CPNE4: variants seen among roughly 807,000 people sequenced by gnomAD.
CPNE4 encodes the protein copine-4.
In CPNE4, 25 loss-of-function variants were observed where a neutral mutation model predicts 67.9. That is an observed-to-expected ratio of 0.37 (90% CI 0.27 to 0.51). The LOEUF is 0.51. Among genes scored for constraint, CPNE4 ranks in the 20% least tolerant of loss-of-function variants. CPNE4 has a pLI of 0.93. For missense variants in CPNE4, 464 were observed against 690.8 expected, an observed-to-expected ratio of 0.67 and a Z score of 3.68; for synonymous variants, 242 against 244.9, an observed-to-expected ratio of 0.99 and a Z score of 0.11.
intron 2 of CPNE4, 99 bp from the exon 3 acceptor site, chr3:131,723,724 T>C: frequency 1.8e-6 from 2 of 1,086,520 alleles, no homozygotes; most frequent in Non-Finnish European, 2.7e-6. Flanking sequence ...TTCCCAACCA[T>C]AAATGCTCCC....
chr3:131,768,759 C>T (rs1191653381), intron 2 of CPNE4, among the ~76,000 whole-genome samples: 1 of 152,082 alleles, frequency 6.6e-6, no homozygotes, highest in African/African-American at 2.4e-5. Context: ...ACTTCCCTGC[C>T]ATGCAACCAG....
At position 131,905,334 on chromosome 3, in the gene CPNE4, T is replaced by A. The variant is rs1215505472; in HGVS notation, c.110A>T (p.Asp37Val). 1 of 1,613,612 alleles carries A rather than the reference T, an allele frequency of 6.2e-7. No individual in the cohort carries two copies. Among genetic ancestry groups the A allele is most frequent in the Admixed American group, 1.7e-5 (1 of 59,946 alleles). ...ELRVACKGIS[D>V]RDALSKPDPC... ...GTCTGGTTTGGAAAGGGCATCTCTG[T>A]CAGAAATGCCTTTGCACGCCACACG... The change falls in exon 2 of 16, where the codon GAC becomes GTC. Residue 37 changes from aspartate (D) to valine (V), a missense_variant. Transcript: ENST00000429747.
intron 15 of CPNE4, among the ~76,000 whole-genome samples, chr3:131,541,408 C>T (rs1283990238): frequency 6.6e-6 from 1 of 152,118 alleles, no homozygotes; most frequent in Non-Finnish European, 1.5e-5. Flanking sequence ...CATACTAGAG[C>T]ATTGTCTAAT....
intron 3 of CPNE4, among the ~76,000 whole-genome samples, chr3:131,710,427 G>C (rs189015569): frequency 1.8e-4 from 28 of 152,218 alleles, no homozygotes; most frequent in Admixed American, 5.2e-4. Flanking sequence ...TTGTGAGGAA[G>C]GATACTTTTA....
intron 2 of CPNE4, among the ~76,000 whole-genome samples, chr3:131,879,597 T>A (rs9843606): frequency 2.0e-5 from 3 of 151,720 alleles, no homozygotes; most frequent in Admixed American, 6.6e-5. Context: ...TGCTAAAAAG[T>A]TTCCATAATT....
upstream of CPNE4, chr3:132,035,048 T>C: frequency 1.0e-6 from 1 of 985,354 alleles, no homozygotes; most frequent in Non-Finnish European, 1.2e-6. Context: ...GGCAAGAGAC[T>C]GGTTCCGAAA....
upstream of CPNE4, among the ~76,000 whole-genome samples, chr3:132,036,287 TA>T (rs2074336526): frequency 2.6e-5 from 4 of 152,174 alleles, no homozygotes; most frequent in Admixed American, 6.5e-5. Flanking sequence ...TGGCTATGCA[TA>T]AGTCAATCGT....
At chr3:131,621,813 C>A (rs1405385688) in intron 7 of CPNE4, among the ~76,000 whole-genome samples, 1 of 151,188 alleles carries the variant, frequency 6.6e-6, no homozygotes, top group Admixed American at 6.6e-5. Context: ...TTGAGACCAG[C>A]CTGAGCAATG....
intron 15 of CPNE4, among the ~76,000 whole-genome samples, chr3:131,541,590 T>TA (rs1313391766): frequency 3.3e-5 from 5 of 151,796 alleles, no homozygotes; most frequent in East Asian, 1.9e-4. Flanking sequence ...TTTTTTTTTT[T>TA]ACCCTCTTGG....
intron 11 of CPNE4, among the ~76,000 whole-genome samples, chr3:131,555,799 T>G (rs1936429793): frequency 6.6e-6 from 1 of 152,040 alleles, no homozygotes; most frequent in East Asian, 1.9e-4. Flanking sequence ...TTTTGCTAGA[T>G]TCTATACTAA....
intron 2 of CPNE4, among the ~76,000 whole-genome samples, chr3:131,796,428 C>T (rs1385682313): frequency 1.3e-5 from 2 of 152,200 alleles, no homozygotes. Flanking sequence ...TCTGGGCCTG[C>T]TCCCTCAGGT....
chr3:131,665,931 GAA>G (rs959601966), intron 7 of CPNE4, among the ~76,000 whole-genome samples: 3 of 152,028 alleles, frequency 2.0e-5, no homozygotes, highest in African/African-American at 7.3e-5. Flanking sequence ...ATTATAAAGA[GAA>G]AATTCTGCCT....
chr3:132,038,390 C>CA (rs2074369516), upstream of CPNE4, among the ~76,000 whole-genome samples: 1 of 129,612 alleles, frequency 7.7e-6, no homozygotes, highest in African/African-American at 2.9e-5. Flanking sequence ...CATTGGGTAA[C>CA]AACCTGTGCT....
intron 2 of CPNE4, among the ~76,000 whole-genome samples, chr3:131,792,690 T>G: frequency 1.4e-5 from 1 of 73,778 alleles, no homozygotes; most frequent in African/African-American, 5.8e-5. Context: ...CACACGTGTA[T>G]ATATACATAT....
At chr3:131,605,879 T>G (rs971402831) in intron 7 of CPNE4, among the ~76,000 whole-genome samples, 3 of 152,168 alleles carry the variant, frequency 2.0e-5, no homozygotes, top group African/African-American at 7.2e-5. Context: ...AAGAACAGGT[T>G]TGAGGGCCAA....
intron 2 of CPNE4, among the ~76,000 whole-genome samples, chr3:131,827,719 A>C (rs1282243935): frequency 6.6e-6 from 1 of 152,078 alleles, no homozygotes; most frequent in Admixed American, 6.5e-5. Context: ...AATGTAGGAA[A>C]GTATGCTTTT....
At chr3:132,022,670 T>C (rs538706336) in intron 1 of CPNE4, among the ~76,000 whole-genome samples, 16 of 152,330 alleles carry the variant, frequency 1.1e-4, no homozygotes, top group Middle Eastern at 6.8e-3. Context: ...AATGATCATC[T>C]GCACTTTTTT....
At chr3:131,955,365 G>A (rs2071916067) in intron 1 of CPNE4, among the ~76,000 whole-genome samples, 1 of 121,514 alleles carries the variant, frequency 8.2e-6, no homozygotes, top group Non-Finnish European at 1.7e-5. Flanking sequence ...ACAAAAAAGT[G>A]TTAAGTTGCA....
intron 11 of CPNE4, among the ~76,000 whole-genome samples, chr3:131,556,522 CAA>C (rs1320948347): frequency 2.0e-5 from 3 of 152,120 alleles, no homozygotes; most frequent in African/African-American, 4.8e-5. Flanking sequence ...TTTTTGAACT[CAA>C]AGAGACCCTG....
Sources: allele counts gnomAD v4.1 joint callset (sites outside exome capture counted in the v4.1 genomes callset), GRCh38; gene constraint gnomAD v4.1.1; transcripts MANE v1.5; gene names NCBI Gene and HGNC (gene_info 2026-07-23, HGNC 2026-07-21).